The following VRK2 variants were observed in gnomAD, a reference collection of about 807,000 sequenced individuals.
The protein encoded by VRK2 is serine/threonine-protein kinase VRK2.
In VRK2, 60 loss-of-function variants were observed where a neutral mutation model predicts 57.6. That is an observed-to-expected ratio of 1.04 (90% CI 0.85 to 1.29). The LOEUF is 1.29. Among genes scored for constraint, VRK2 ranks in the 50% most tolerant of loss-of-function variants. The pLI is 0.00. For missense variants in VRK2, 705 were observed against 588.1 expected (o/e 1.20, Z -2.06); for synonymous variants, 231 against 199.2 (o/e 1.16, Z -1.35).
chr2:57,945,405 C>T (rs1671231167), intron 1 of VRK2, among the ~76,000 whole-genome samples: 1 of 152,060 alleles, frequency 6.6e-6, no homozygotes, highest in Non-Finnish European at 1.5e-5. Context: ...CCATATCTAC[C>T]AGTATAAGGT....
intron 2 of VRK2, among the ~76,000 whole-genome samples, chr2:58,026,115 A>G (rs12470851): frequency 0.087 from 13,243 of 152,154 alleles, 614 homozygotes; most frequent in East Asian, 0.11. Context: ...TCTGTCTCAC[A>G]TTGTACTCTG....
At chr2:57,914,960 G>T (rs568393094) in intron 1 of VRK2, among the ~76,000 whole-genome samples, 2 of 152,154 alleles carry the variant, frequency 1.3e-5, no homozygotes, top group South Asian at 4.1e-4. Context: ...AGCTGTAGTT[G>T]TGATGTTTAC....
chr2:57,916,080 A>C (rs1337933358), intron 1 of VRK2, among the ~76,000 whole-genome samples: 1 of 152,116 alleles, frequency 6.6e-6, no homozygotes, highest in African/African-American at 2.4e-5. Context: ...TAGATGGAGA[A>C]ATAAATACCT....
intron 1 of VRK2, among the ~76,000 whole-genome samples, chr2:57,953,987 T>C (rs1440464570): frequency 2.0e-5 from 3 of 152,212 alleles, no homozygotes; most frequent in African/African-American, 4.8e-5. Context: ...TCCCATGTTA[T>C]ATTCTCCTAT....
rs1355493854 is a variant in VRK2 at position 58,154,679 on chromosome 2, TA to T, written c.1183-4667del. ...CCCATTTAAAGGGGTCTTTAAATTT[TA>T]AAGCATTTGGAGATTTTCCTATTAT... On this transcript the variant is annotated intron_variant, in intron 12 of 12. Transcript: ENST00000340157. The T allele has an allele frequency of 3.5e-5, 25 of 712,438 alleles. No individual in the cohort carries two copies. The East Asian group carries it at 6.5e-4, about 18-fold the overall frequency. 44.1% of individuals were successfully genotyped at this position (712,438 alleles called of 1,614,324 possible). A position where few individuals can be genotyped will look rare whatever the true frequency, so the allele number is the denominator to read the frequency against.
intron 2 of VRK2, among the ~76,000 whole-genome samples, chr2:58,062,407 T>C (rs923971604): frequency 1.3e-5 from 2 of 152,216 alleles, no homozygotes; most frequent in Non-Finnish European, 1.5e-5. Context: ...GAAAGAGTTA[T>C]GCATCTCTCA....
At chr2:57,917,800 A>G (rs1012242338) in intron 1 of VRK2, among the ~76,000 whole-genome samples, 1 of 152,046 alleles carries the variant, frequency 6.6e-6, no homozygotes, top group Non-Finnish European at 1.5e-5. Context: ...TGTGTTTTAC[A>G]TGCAATCCCT....
chr2:57,940,902 C>G (rs1671074071), intron 1 of VRK2, among the ~76,000 whole-genome samples: 1 of 151,494 alleles, frequency 6.6e-6, no homozygotes, highest in African/African-American at 2.4e-5. Flanking sequence ...AAAAAAGACC[C>G]AAATAAAAAT....
chr2:58,087,871 C>T (rs1671851061), intron 5 of VRK2, among the ~76,000 whole-genome samples: 2 of 152,184 alleles, frequency 1.3e-5, no homozygotes, highest in Middle Eastern at 6.8e-3. Context: ...CCTGCAGTCC[C>T]AGCTACTTGG....
intron 7 of VRK2, among the ~76,000 whole-genome samples, chr2:58,122,495 A>T (rs1573239616): frequency 1.3e-5 from 2 of 152,376 alleles, no homozygotes; most frequent in Middle Eastern, 6.8e-3. Flanking sequence ...CATAAGGAAG[A>T]GAAAATATAT....
chr2:58,046,672 G>A (rs565727497), upstream of VRK2: 3 of 985,606 alleles, frequency 3.0e-6, no homozygotes, highest in Admixed American at 6.1e-5. Flanking sequence ...AACCGGCTGC[G>A]GCCTGTGTGA....
upstream of VRK2, chr2:58,046,639 G>A: frequency 1.0e-6 from 1 of 985,564 alleles, no homozygotes; most frequent in South Asian, 4.7e-5. Context: ...GCGTCTCCGG[G>A]GCGTGGACAG....
chr2:57,947,170 A>G (rs553627663), intron 1 of VRK2, among the ~76,000 whole-genome samples: 1 of 152,322 alleles, frequency 6.6e-6, no homozygotes, highest in Non-Finnish European at 1.5e-5. Context: ...AAACAAAAAC[A>G]GATGGTGTAA....
chr2:57,944,907 C>T (rs1262483848), intron 1 of VRK2, among the ~76,000 whole-genome samples: 1 of 151,954 alleles, frequency 6.6e-6, no homozygotes. Context: ...AGGTGCAGTG[C>T]AAAGTGTTTT....
At chr2:57,986,830 C>T (rs1188652284) in intron 1 of VRK2, among the ~76,000 whole-genome samples, 1 of 152,128 alleles carries the variant, frequency 6.6e-6, no homozygotes. Context: ...AACTCCTGAC[C>T]TGAAGTGATC....
chr2:58,004,226 C>T (rs1450396487), intron 1 of VRK2, among the ~76,000 whole-genome samples: 1 of 151,922 alleles, frequency 6.6e-6, no homozygotes, highest in Non-Finnish European at 1.5e-5. Flanking sequence ...CCTACCACAA[C>T]CTATGGGACT....
intron 7 of VRK2, among the ~76,000 whole-genome samples, chr2:58,108,903 C>T (rs1384147481): frequency 2.0e-5 from 3 of 152,174 alleles, no homozygotes; most frequent in Admixed American, 2.0e-4. Context: ...TTACATAGAT[C>T]ACCTACCCTT....
intron 12 of VRK2, among the ~76,000 whole-genome samples, chr2:58,157,610 C>T (rs898292268): frequency 2.0e-5 from 3 of 152,182 alleles, no homozygotes; most frequent in Admixed American, 6.5e-5. Flanking sequence ...GTATTGGCAT[C>T]ATCTGGAGCT....
chr2:58,114,744 C>T (rs1445492270), intron 7 of VRK2, among the ~76,000 whole-genome samples: 1 of 152,018 alleles, frequency 6.6e-6, no homozygotes, highest in Non-Finnish European at 1.5e-5. Context: ...CTAATAAAGG[C>T]TGGTCTGTTA....
Sources: gnomAD v4.1 joint callset for allele counts (sites outside exome capture counted in the v4.1 genomes callset) on GRCh38, gnomAD v4.1.1 for gene constraint, MANE v1.5 for transcripts, NCBI Gene and HGNC (gene_info 2026-07-23, HGNC 2026-07-21) for gene names.